The following CUL2 variants were observed in gnomAD, a reference collection of about 807,000 sequenced individuals.
The protein encoded by CUL2 is cullin 2.
Under a neutral mutation model 110.2 loss-of-function variants are expected in CUL2, and 22 were observed. That is an observed-to-expected ratio of 0.20 (90% CI 0.14 to 0.28). The LOEUF (loss-of-function observed/expected upper bound fraction) is 0.28. Ranked by LOEUF, CUL2 falls within the 10% of genes least tolerant of loss-of-function variation. The pLI is 1.00. For synonymous variants in CUL2, 279 were observed against 293.2 expected, an observed-to-expected ratio of 0.95 and a Z score of 0.49; for missense variants, 631 against 905.5, an observed-to-expected ratio of 0.70 and a Z score of 3.89.
intron 16 of CUL2, among the ~76,000 whole-genome samples, chr10:35,027,366 A>G (rs2085362832): frequency 6.6e-6 from 1 of 151,832 alleles, no homozygotes; most frequent in Non-Finnish European, 1.5e-5. Flanking sequence ...GGATGGTCTC[A>G]ATCTCCTGAC....
At chr10:35,093,135 C>T (rs538099346), upstream of CUL2, among the ~76,000 whole-genome samples, 3 of 152,254 alleles carry the variant, frequency 2.0e-5, no homozygotes, top group East Asian at 5.8e-4. Flanking sequence ...ATTCCATCCC[C>T]AACCCATCAG....
In CUL2 at chr10:35,035,153, A is replaced by G. The variant is rs1385069725; in HGVS notation, c.1002+19T>C. The G allele has an allele frequency of 6.2e-7, 1 of 1,613,994 alleles. No homozygotes were observed. Among genetic ancestry groups the G allele is most frequent in the Admixed American group, 1.7e-5 (1 of 60,012 alleles). ...GATCTGATTAGGAGGAAAACATTGC[A>G]GTTTCCCACACAACTCACGTTTTCC... On this transcript the variant is annotated intron_variant, in intron 10 of 20. Coordinates refer to ENST00000374749, the MANE Select transcript of CUL2 (RefSeq NM_003591.4).
upstream of CUL2, among the ~76,000 whole-genome samples, chr10:35,094,500 G>C (rs982042288): frequency 6.6e-6 from 1 of 152,218 alleles, no homozygotes; most frequent in African/African-American, 2.4e-5. Context: ...CTCCCAAAGT[G>C]CTGGGATTAC....
intron 8 of CUL2, among the ~76,000 whole-genome samples, chr10:35,043,311 T>C (rs547070446): frequency 6.6e-6 from 1 of 151,574 alleles, no homozygotes; most frequent in Admixed American, 6.6e-5. Context: ...AACAAAAGTC[T>C]AAGGTGCAAT....
upstream of CUL2, among the ~76,000 whole-genome samples, chr10:35,095,037 G>A (rs2087274496): frequency 6.6e-6 from 1 of 151,868 alleles, no homozygotes; most frequent in African/African-American, 2.4e-5. Flanking sequence ...TAATGTTGGC[G>A]GGGCACAATG....
At chr10:35,115,353 A>C (rs1299254378) in intron 1 of CUL2, among the ~76,000 whole-genome samples, 1 of 150,950 alleles carries the variant, frequency 6.6e-6, no homozygotes, top group Admixed American at 6.6e-5. Context: ...CGAGGTTAGG[A>C]ATTCAAGACC....
At chr10:35,114,126 G>A (rs1355922904) in intron 1 of CUL2, among the ~76,000 whole-genome samples, 1 of 150,628 alleles carries the variant, frequency 6.6e-6, no homozygotes, top group Non-Finnish European at 1.5e-5. Context: ...GTTTCACTGT[G>A]TTAGCCAGGA....
chr10:35,089,043 C>A (rs1230074846), intron 1 of CUL2, among the ~76,000 whole-genome samples: 1 of 152,110 alleles, frequency 6.6e-6, no homozygotes, highest in East Asian at 1.9e-4. Context: ...GGCATGGTGG[C>A]GCATGCCAGT....
chr10:35,088,369 G>A (rs1306095504), intron 1 of CUL2, among the ~76,000 whole-genome samples: 1 of 151,884 alleles, frequency 6.6e-6, no homozygotes, highest in Non-Finnish European at 1.5e-5. Flanking sequence ...TTAGCTGGGC[G>A]TGGTGACGTG....
chr10:35,100,169 A>G (rs1038516178), intron 2 of CUL2, among the ~76,000 whole-genome samples: 3 of 152,038 alleles, frequency 2.0e-5, no homozygotes, highest in Non-Finnish European at 4.4e-5. Flanking sequence ...CATAACACCA[A>G]CCTAAAAAAA....
At chr10:35,098,837 C>T (rs548431191) in intron 2 of CUL2, among the ~76,000 whole-genome samples, 6 of 151,886 alleles carry the variant, frequency 4.0e-5, no homozygotes, top group South Asian at 2.1e-4. Context: ...GGGAGGCTGA[C>T]GCAGGAGAAT....
chr10:35,072,254 T>A (rs1190774038), intron 1 of CUL2, among the ~76,000 whole-genome samples: 1 of 152,014 alleles, frequency 6.6e-6, no homozygotes, highest in Admixed American at 6.6e-5. Context: ...CACAGAAATG[T>A]CAGGTTTGCA....
intron 17 of CUL2, among the ~76,000 whole-genome samples, chr10:35,023,145 T>C (rs1223953953): frequency 6.6e-6 from 1 of 152,220 alleles, no homozygotes; most frequent in Non-Finnish European, 1.5e-5. Context: ...CTACTTATGT[T>C]AATTAGCTTG....
At chr10:35,020,217 C>G (rs555556807) in intron 17 of CUL2, among the ~76,000 whole-genome samples, 1 of 151,232 alleles carries the variant, frequency 6.6e-6, no homozygotes, top group Non-Finnish European at 1.5e-5. Flanking sequence ...ACTGGATATT[C>G]TACAAGACAA....
At chr10:35,089,462 T>C (rs954536821) in intron 1 of CUL2, among the ~76,000 whole-genome samples, 1 of 152,232 alleles carries the variant, frequency 6.6e-6, no homozygotes, top group Non-Finnish European at 1.5e-5. Flanking sequence ...ACAGTCACAA[T>C]CTATAGCGAA....
In CUL2 at chr10:35,049,631, A is replaced by AT. The variant is rs58902254; in HGVS notation, c.506+51dup. 8.8e-3 allele frequency: 12,952 copies of AT among 1,475,456 alleles called. 825 individuals are homozygous for AT. The African/African-American group carries it at 0.14, about 16-fold the overall frequency. The allele number at this position is 1,475,456 out of a possible 1,614,324, so 91.4% of individuals were successfully genotyped here. ...TGCAATTGTACACTATTTTAAAACC[A>AT]TATCAAACAACAAAATAAAATTGAC... On this transcript the variant is annotated intron_variant, in intron 6 of 20. Transcript: ENST00000374749.
intron 2 of CUL2, among the ~76,000 whole-genome samples, chr10:35,064,615 G>A (rs1030481866): frequency 2.0e-5 from 3 of 152,038 alleles, no homozygotes; most frequent in African/African-American, 4.8e-5. Context: ...TCCAGAAAGC[G>A]CAAGCAGCCC....
At chr10:35,044,999 A>G (rs2085897675) in intron 6 of CUL2, 131 bp from the exon 7 acceptor site, 4 of 598,812 alleles carry the variant, frequency 6.7e-6, no homozygotes, top group Non-Finnish European at 1.2e-5. Context: ...AAAAAGGTAC[A>G]TGCATGAATC....
rs572642281 is a variant in CUL2 at position 35,086,594 on chromosome 10, G to A, written c.-23+3585C>T. The stretch of plus-strand genomic sequence containing the variant: ...GAGCCACCGTACGTGGCCGGAAACA[G>A]CTTTTTAAACAACTCCACACCTGTA... On this transcript the variant is annotated intron_variant, in intron 1 of 20. Coordinates refer to ENST00000374749, the MANE Select transcript of CUL2 (RefSeq NM_003591.4). 3.3e-5 allele frequency among the ~76,000 whole-genome samples: 5 copies of A among 152,032 alleles called. No individual in the cohort carries two copies. The South Asian group carries it at 8.3e-4, about 25-fold the overall frequency.
Sources: gnomAD v4.1 joint callset for allele counts (sites outside exome capture counted in the v4.1 genomes callset) on GRCh38, gnomAD v4.1.1 for gene constraint, MANE v1.5 for transcripts, NCBI Gene and HGNC (gene_info 2026-07-23, HGNC 2026-07-21) for gene names.